DNAJC15: variants seen among roughly 807,000 people sequenced by gnomAD.
DNAJC15 encodes the protein DnaJ heat shock protein family (Hsp40) member C15.
DNAJC15 carries 27 observed loss-of-function variants against 22.4 expected under a neutral mutation model. The ratio of observed to expected loss-of-function variants is 1.20; its 90% CI spans 0.89 to 1.66. The LOEUF (loss-of-function observed/expected upper bound fraction) is 1.66, where lower values mean the gene tolerates loss of function less well. Among genes scored for constraint, DNAJC15 ranks in the 40% most tolerant of loss-of-function variants. DNAJC15 has a pLI of 0.00. For synonymous variants in DNAJC15, 79 were observed against 63.2 expected, an observed-to-expected ratio of 1.25 and a Z score of -1.19; for missense variants, 208 against 187.1, an observed-to-expected ratio of 1.11 and a Z score of -0.65.
In DNAJC15 at chr13:43,113,191, AAG is replaced by A. The variant is rs1281738684; in HGVS notation, c.*5950_*5951del. 1 of 152,228 alleles carries A rather than the reference AAG, an allele frequency of 6.6e-6. No individual in the cohort carries two copies. The highest frequency in any genetic ancestry group is 1.5e-5 in the Non-Finnish European group (1 of 68,042). The allele number at this position is 152,228 out of a possible 1,614,324, so 9.4% of individuals were successfully genotyped here. On this transcript the variant is annotated 3_prime_UTR_variant, in exon 6 of 6. Transcript: ENST00000379221. Reference sequence around the variant, plus strand: ...AGCAGCAGACCTGGCACAAGAAATGAAGAGAGAGCTCAGTGTATTAAAGATGA... The same window carrying A: ...AGCAGCAGACCTGGCACAAGAAATGAAGAGAGCTCAGTGTATTAAAGATGA...
At chr13:43,034,028 CAAAAAAAA>C (rs568856935) in intron 1 of DNAJC15, among the ~76,000 whole-genome samples, 1 of 108,684 alleles carries the variant, frequency 9.2e-6, no homozygotes, top group Non-Finnish European at 2.0e-5. Context: ...AACTTCATCT[CAAAAAAAA>C]AAAAAAAAGA....
chr13:43,058,264 G>A (rs2040541020), intron 1 of DNAJC15, among the ~76,000 whole-genome samples: 2 of 152,286 alleles, frequency 1.3e-5, no homozygotes, highest in Non-Finnish European at 2.9e-5. Flanking sequence ...GCAGTATGGG[G>A]GATACAAGCT....
At chr13:43,081,251 A>G (rs1221355895) in intron 4 of DNAJC15, among the ~76,000 whole-genome samples, 2 of 152,212 alleles carry the variant, frequency 1.3e-5, no homozygotes, top group African/African-American at 2.4e-5. Context: ...CTCACTTAAT[A>G]TCACCCATGG....
At chr13:43,045,890 T>G (rs1213373763) in intron 1 of DNAJC15, among the ~76,000 whole-genome samples, 1 of 152,218 alleles carries the variant, frequency 6.6e-6, no homozygotes, top group East Asian at 1.9e-4. Context: ...TAAAATTGTT[T>G]GTTGTCTGTC....
intron 1 of DNAJC15, among the ~76,000 whole-genome samples, chr13:43,036,001 A>G (rs1176743810): frequency 6.6e-6 from 1 of 152,192 alleles, no homozygotes; most frequent in Admixed American, 6.5e-5. Context: ...TGCTGGGATT[A>G]CATGTGTAAG....
intron 1 of DNAJC15, among the ~76,000 whole-genome samples, chr13:43,046,453 C>T (rs1455479015): frequency 6.6e-6 from 1 of 152,040 alleles, no homozygotes; most frequent in Non-Finnish European, 1.5e-5. Context: ...CTAAGCCTAA[C>T]TGGGGAAGGT....
At chr13:43,082,844 CTA>C (rs3043164) in intron 4 of DNAJC15, among the ~76,000 whole-genome samples, 31,846 of 124,284 alleles carry the variant, frequency 0.26, 3,511 homozygotes, top group South Asian at 0.41. Flanking sequence ...GAACATTCAC[CTA>C]TATATATATA....
chr13:43,107,357 C>T lies in DNAJC15; in HGVS notation c.*109C>T, dbSNP rs142535946. On this transcript the variant is annotated 3_prime_UTR_variant, in exon 6 of 6. Transcript: ENST00000379221. ...TTCTTAATTTTCTATATGGATTGAC[C>T]ACAGTCTTATCTTCCACCATTAAGC... 3.2e-3 allele frequency: 2,668 copies of T among 840,842 alleles called. 5 individuals are homozygous for T. The highest frequency in any genetic ancestry group is 4.0e-3 in the Non-Finnish European group (2,326 of 588,038). The allele number at this position is 840,842 out of a possible 1,614,324, so 52.1% of individuals were successfully genotyped here.
intron 1 of DNAJC15, among the ~76,000 whole-genome samples, chr13:43,030,697 G>A (rs952379263): frequency 1.3e-5 from 2 of 152,088 alleles, no homozygotes; most frequent in African/African-American, 4.8e-5. Flanking sequence ...TTTCCTCAAG[G>A]GACTTGACCA....
chr13:43,096,312 A>G (rs1010717136), intron 5 of DNAJC15, among the ~76,000 whole-genome samples: 9 of 152,250 alleles, frequency 5.9e-5, no homozygotes, highest in Non-Finnish European at 1.0e-4. Context: ...GACACATAGT[A>G]TCTTTATTAA....
chr13:43,040,645 A>G (rs982880841), intron 1 of DNAJC15, among the ~76,000 whole-genome samples: 1 of 152,120 alleles, frequency 6.6e-6, no homozygotes, highest in African/African-American at 2.4e-5. Flanking sequence ...TAGAGAAGGA[A>G]AAAAGGGGGC....
At chr13:43,084,362 G>A (rs912440) in intron 4 of DNAJC15, among the ~76,000 whole-genome samples, 32,233 of 151,982 alleles carry the variant, frequency 0.21, 3,579 homozygotes, top group South Asian at 0.38. Context: ...TAAACCTGGG[G>A]GTAGGTTTTA....
rs1407693995 is a variant in DNAJC15 at position 43,026,359 on chromosome 13, A to G, written c.108+2625A>G. On this transcript the variant is annotated intron_variant, in intron 1 of 5. Transcript: ENST00000379221. The stretch of plus-strand genomic sequence containing the variant: ...TTTTTGTTACACAGGCTTGTCTCAT[A>G]TATTTTAGGACTTCTACGATCAATG... Among the ~76,000 whole-genome samples the G allele has an allele frequency of 2.6e-5, 4 of 152,222 alleles. No individual in the cohort carries two copies. The East Asian group carries it at 7.7e-4, about 29-fold the overall frequency.
chr13:43,045,948 T>C (rs944540657), intron 1 of DNAJC15, among the ~76,000 whole-genome samples: 1 of 152,238 alleles, frequency 6.6e-6, no homozygotes, highest in Non-Finnish European at 1.5e-5. Context: ...TTGTCTGATA[T>C]ATCCCTAGGG....
intron 1 of DNAJC15, among the ~76,000 whole-genome samples, chr13:43,030,309 C>CG (rs2040398709): frequency 6.6e-6 from 1 of 152,130 alleles, no homozygotes; most frequent in Non-Finnish European, 1.5e-5. Flanking sequence ...CCAAGATTGC[C>CG]ACCCTCAAGG....
At chr13:43,102,789 T>G (rs1453334409) in intron 5 of DNAJC15, among the ~76,000 whole-genome samples, 3 of 152,128 alleles carry the variant, frequency 2.0e-5, no homozygotes, top group African/African-American at 7.2e-5. Context: ...ATGAGAGATC[T>G]GGGTCTGTGG....
chr13:43,067,601 G>A (rs116394522), intron 2 of DNAJC15, among the ~76,000 whole-genome samples: 38 of 152,158 alleles, frequency 2.5e-4, no homozygotes, highest in Admixed American at 5.9e-4. Flanking sequence ...TCCCAAACTC[G>A]TATTACTGAC....
intron 1 of DNAJC15, among the ~76,000 whole-genome samples, chr13:43,059,822 GGCGGTGCAGTTAGGAGCAATGTTTC>G (rs1207280398): frequency 6.6e-6 from 1 of 152,248 alleles, no homozygotes. Flanking sequence ...TTTTGGGATA[GGCGGTGCAGTTAGGAGCAATGTTTC>G]GCGGGCATGG....
At chr13:43,024,437 G>C (rs1248466504) in intron 1 of DNAJC15, among the ~76,000 whole-genome samples, 1 of 136,520 alleles carries the variant, frequency 7.3e-6, no homozygotes, top group African/African-American at 2.7e-5. Flanking sequence ...TCCGCCTCCC[G>C]GTTTCAGGCC....
Sources: allele counts gnomAD v4.1 joint callset (sites outside exome capture counted in the v4.1 genomes callset), GRCh38; gene constraint gnomAD v4.1.1; transcripts MANE v1.5; gene names NCBI Gene and HGNC (gene_info 2026-07-23, HGNC 2026-07-21).